AFDN: variants seen among roughly 807,000 people sequenced by gnomAD.
AFDN encodes afadin, adherens junction formation factor.
A neutral mutation model predicts 216.6 loss-of-function variants in AFDN; 68 were observed. That is an observed-to-expected ratio of 0.31 (90% confidence interval 0.26 to 0.38). The LOEUF (loss-of-function observed/expected upper bound fraction) is 0.38. Ranked by LOEUF, AFDN falls within the 10% of genes least tolerant of loss-of-function variation. The pLI is 1.00. For missense variants in AFDN, 2,136 were observed against 2,342.0 expected (o/e 0.91, Z 1.82); for synonymous variants, 868 against 853.7 (o/e 1.02, Z -0.29).
rs1785269618 is a variant in AFDN at position 167,875,614 on chromosome 6, AATGTGTACCAT to A, written c.739+122_739+132del. The A allele has an allele frequency of 2.9e-6, 3 of 1,024,790 alleles. No individual in the cohort carries two copies. In the Admixed American group the frequency reaches 7.0e-5, roughly 24 times the overall value. The allele number at this position is 1,024,790 out of a possible 1,614,324, so 63.5% of individuals were successfully genotyped here. A position where few individuals can be genotyped will look rare whatever the true frequency, so the allele number is the denominator to read the frequency against. ...TGGGTGGTGTAACCTTTTCATAACA[AATGTGTACCAT>A]ATACTTCTGGTACAAAATCAGCCTA... On this transcript the variant is annotated intron_variant, in intron 5 of 33. Transcript: ENST00000683244.
chr6:167,957,709 C>A (rs1006933652), intron 30 of AFDN, among the ~76,000 whole-genome samples: 3 of 152,204 alleles, frequency 2.0e-5, no homozygotes, highest in Non-Finnish European at 4.4e-5. Flanking sequence ...GAACCTGTCT[C>A]TAACTTGAGT....
intron 9 of AFDN, among the ~76,000 whole-genome samples, chr6:167,895,589 T>A (rs557626789): frequency 3.3e-5 from 5 of 152,214 alleles, no homozygotes; most frequent in African/African-American, 7.2e-5. Flanking sequence ...GAAAATTTTG[T>A]CATTAGAATG....
chr6:167,873,567 G>A (rs1785014684), intron 4 of AFDN, among the ~76,000 whole-genome samples: 1 of 152,154 alleles, frequency 6.6e-6, no homozygotes, highest in South Asian at 2.1e-4. Context: ...GTGCATTCTA[G>A]AAGAATGGTT....
At chr6:167,870,600 C>G (rs1462649067) in intron 3 of AFDN, 102 bp downstream of exon 3, 1 of 637,630 alleles carries the variant, frequency 1.6e-6, no homozygotes, top group African/African-American at 1.9e-5. Context: ...CTCTTTTTTG[C>G]TTCTCTTTAT....
At chr6:167,875,629 C>G in intron 5 of AFDN, 134 bp downstream of exon 5, 1 of 899,246 alleles carries the variant, frequency 1.1e-6, no homozygotes, top group Non-Finnish European at 1.7e-6. Context: ...GTACCATATA[C>G]TTCTGGTACA....
At chr6:167,897,105 A>G in intron 10 of AFDN, 133 bp downstream of exon 10, 1 of 453,116 alleles carries the variant, frequency 2.2e-6, no homozygotes, top group Non-Finnish European at 3.9e-6. Flanking sequence ...TAATTTATCT[A>G]CTCTGGGTCA....
At chr6:167,958,742 A>G (rs1796761375) in intron 30 of AFDN, among the ~76,000 whole-genome samples, 1 of 152,246 alleles carries the variant, frequency 6.6e-6, no homozygotes, top group Non-Finnish European at 1.5e-5. Flanking sequence ...GAAATTGGAC[A>G]TGCCCCTCTT....
intron 1 of AFDN, among the ~76,000 whole-genome samples, chr6:167,843,949 C>T (rs933612547): frequency 1.3e-5 from 2 of 152,068 alleles, no homozygotes; most frequent in Non-Finnish European, 2.9e-5. Context: ...AGTAACTGAC[C>T]TGTTTTACTC....
At chr6:167,913,925 T>C (rs1290647250) in intron 16 of AFDN, 3 of 508,372 alleles carry the variant, frequency 5.9e-6, no homozygotes, top group Non-Finnish European at 1.0e-5. Context: ...ATCTATAAAT[T>C]GTAGCTAACT....
At chr6:167,886,752 G>A (rs922026629) in intron 6 of AFDN, among the ~76,000 whole-genome samples, 1 of 151,868 alleles carries the variant, frequency 6.6e-6, no homozygotes, top group Non-Finnish European at 1.5e-5. Flanking sequence ...GTGTACATAG[G>A]GTCTGTACTA....
Position 167,863,528 on chromosome 6 carries a change from G to A in AFDN, c.106-1023G>A, listed in dbSNP as rs377004782. On this transcript the variant is annotated intron_variant, in intron 1 of 33. Coordinates refer to ENST00000683244, the MANE Select transcript of AFDN (RefSeq NM_001386888.1). ...GTGACTTAGTTTGAACAGGACTTTG[G>A]TTGGATTCTGGGTGTATTTTGATGG... Among the ~76,000 whole-genome samples the A allele has an allele frequency of 4.0e-3, 602 of 152,358 alleles. 4 individuals are homozygous for A. Among genetic ancestry groups the A allele is most frequent in the African/African-American group, 0.014 (580 of 41,586 alleles).
At chr6:167,872,939 T>C (rs1784944031) in intron 4 of AFDN, among the ~76,000 whole-genome samples, 1 of 152,208 alleles carries the variant, frequency 6.6e-6, no homozygotes, top group South Asian at 2.1e-4. Flanking sequence ...AATCATTGCA[T>C]TTTTACTATA....
In AFDN at chr6:167,948,412, G is replaced by A. The variant is rs1200437476; in HGVS notation, c.3765G>A (p.Gln1255=). 4 of 1,614,028 alleles carry A rather than the reference G, an allele frequency of 2.5e-6. No homozygotes were observed. In the East Asian group the frequency reaches 6.7e-5, roughly 27 times the overall value. ...SQDRMAPPQN[Q]WPNYEEKPHM... Reference sequence around the variant, plus strand: ...ATCGGATGGCTCCTCCTCAGAACCAGTGGCCAAATTATGAGGAAAAGCCAC... The same window carrying A: ...ATCGGATGGCTCCTCCTCAGAACCAATGGCCAAATTATGAGGAAAAGCCAC... Residue 1255 remains glutamine (Q), a synonymous_variant, in exon 29 of 34, where the codon CAG becomes CAA. Transcript: ENST00000683244.
At chr6:167,910,725 A>G (rs980982044) in intron 13 of AFDN, among the ~76,000 whole-genome samples, 3 of 152,182 alleles carry the variant, frequency 2.0e-5, no homozygotes, top group Admixed American at 1.3e-4. Context: ...CAAGCTTGGC[A>G]TGGTTAGTTT....
chr6:167,915,769 T>C (rs1790980097), intron 19 of AFDN, among the ~76,000 whole-genome samples: 1 of 152,250 alleles, frequency 6.6e-6, no homozygotes, highest in Non-Finnish European at 1.5e-5. Flanking sequence ...TGGTTTGTTT[T>C]CTGATAATTT....
chr6:167,945,721 CTG>C (rs1319001531), intron 26 of AFDN, among the ~76,000 whole-genome samples: 1 of 152,168 alleles, frequency 6.6e-6, no homozygotes. Context: ...TGGTTCATGA[CTG>C]TAATTCACTT....
chr6:167,841,023 GA>G (rs1781012913), intron 1 of AFDN, among the ~76,000 whole-genome samples: 1 of 152,216 alleles, frequency 6.6e-6, no homozygotes, highest in African/African-American at 2.4e-5. Context: ...GTGTCTGTGA[GA>G]TAAAGGCCTG....
At chr6:167,866,905 T>G (rs1784250835) in intron 2 of AFDN, among the ~76,000 whole-genome samples, 1 of 152,236 alleles carries the variant, frequency 6.6e-6, no homozygotes, top group Admixed American at 6.5e-5. Flanking sequence ...GCAGCCCTAG[T>G]GAGCTAAAGC....
Position 167,892,586 on chromosome 6 carries a change from G to A in AFDN, c.1178-1276G>A, listed in dbSNP as rs148111350. ...ATAATTTTCAGATGAGTAATGGACA[G>A]TTTATTTTGGTAGATAGCAGAGACA... On this transcript the variant is annotated intron_variant, in intron 8 of 33. Coordinates refer to ENST00000683244, the MANE Select transcript of AFDN (RefSeq NM_001386888.1). Among the ~76,000 whole-genome samples, 351 of 152,258 alleles carry A rather than the reference G, an allele frequency of 2.3e-3. 4 individuals are homozygous for A. Among genetic ancestry groups the A allele is most frequent in the African/African-American group, 7.5e-3 (311 of 41,544 alleles).
Sources: gnomAD v4.1 joint callset for allele counts (sites outside exome capture counted in the v4.1 genomes callset) on GRCh38, gnomAD v4.1.1 for gene constraint, MANE v1.5 for transcripts, NCBI Gene and HGNC (gene_info 2026-07-23, HGNC 2026-07-21) for gene names.